Variants in ADGRL4 observed in about 807,000 individuals in gnomAD.
The protein encoded by ADGRL4 is EGF, latrophilin and seven transmembrane domain containing 1.
In ADGRL4, 90 loss-of-function variants were observed where a neutral mutation model predicts 74.8. The observed-to-expected ratio is 1.20, with a 90% CI of 1.02 to 1.43. The LOEUF is 1.43. Ranked by LOEUF, ADGRL4 falls within the 40% of genes most tolerant of loss-of-function variation. The pLI is 0.00. For synonymous variants in ADGRL4, 311 were observed against 279.2 expected (o/e 1.11, Z -1.14); for missense variants, 881 against 814.3 (o/e 1.08, Z -1.00).
At chr1:78,952,795 C>T (rs111816748) in intron 2 of ADGRL4, among the ~76,000 whole-genome samples, 4,816 of 152,130 alleles carry the variant, frequency 0.032, 95 homozygotes, top group South Asian at 0.052. Context: ...TCAATATCTG[C>T]ATTGGGAATG....
At chr1:78,948,623 A>C (rs540537591) in intron 2 of ADGRL4, among the ~76,000 whole-genome samples, 1 of 152,258 alleles carries the variant, frequency 6.6e-6, no homozygotes, top group South Asian at 2.1e-4. Flanking sequence ...CATGCATTTA[A>C]TTAATTTACC....
chr1:78,936,465 T>A, intron 6 of ADGRL4, 54 bp from the exon 7 acceptor site: 1 of 1,398,614 alleles, frequency 7.1e-7, no homozygotes, highest in East Asian at 2.5e-5. Flanking sequence ...TCAATATACA[T>A]CATAAATATA....
chr1:78,966,900 A>T (rs1570260529), intron 2 of ADGRL4, among the ~76,000 whole-genome samples: 2 of 124,102 alleles, frequency 1.6e-5, no homozygotes. Context: ...AAGACATTTT[A>T]CTAGGCTAGG....
intron 2 of ADGRL4, among the ~76,000 whole-genome samples, chr1:78,992,221 G>A (rs1242098577): frequency 6.6e-6 from 1 of 151,938 alleles, no homozygotes; most frequent in Non-Finnish European, 1.5e-5. Flanking sequence ...TAAGTACAAA[G>A]TTTGAACAGT....
At chr1:78,892,248 C>A (rs564788155) in intron 13 of ADGRL4, among the ~76,000 whole-genome samples, 1 of 152,102 alleles carries the variant, frequency 6.6e-6, no homozygotes, top group Non-Finnish European at 1.5e-5. Context: ...AAAAATATGT[C>A]AAAATAAATT....
chr1:78,932,587 G>GATTTTTCTA (rs1649264214), intron 7 of ADGRL4, among the ~76,000 whole-genome samples: 1 of 135,156 alleles, frequency 7.4e-6, no homozygotes, highest in Non-Finnish European at 1.5e-5. Flanking sequence ...GCAGAGTTGA[G>GATTTTTCTA]GGAGATAGAG....
intron 2 of ADGRL4, among the ~76,000 whole-genome samples, chr1:79,001,239 GAGGGAGGA>G (rs1398769203): frequency 4.4e-5 from 5 of 112,780 alleles, no homozygotes; most frequent in African/African-American, 1.6e-4. Flanking sequence ...GGGAGGGAGG[GAGGGAGGA>G]AGGAAGGTAT....
chr1:78,895,525 T>A (rs547825709), intron 12 of ADGRL4, among the ~76,000 whole-genome samples: 1 of 152,202 alleles, frequency 6.6e-6, no homozygotes, highest in Admixed American at 6.6e-5. Flanking sequence ...AGAATGAAGG[T>A]TTAGGAAGTA....
chr1:78,992,142 T>A (rs1650618648), intron 2 of ADGRL4, among the ~76,000 whole-genome samples: 1 of 152,052 alleles, frequency 6.6e-6, no homozygotes, highest in Non-Finnish European at 1.5e-5. Flanking sequence ...GATTCTAATC[T>A]TCCTAGAGAA....
intron 9 of ADGRL4, among the ~76,000 whole-genome samples, chr1:78,920,632 C>T (rs1346451758): frequency 1.3e-4 from 19 of 151,564 alleles, no homozygotes; most frequent in Admixed American, 1.3e-3. Context: ...TTTTTCTAGG[C>T]ATAGTATTAG....
intron 2 of ADGRL4, among the ~76,000 whole-genome samples, chr1:78,997,653 AG>A (rs1650745962): frequency 6.6e-6 from 1 of 152,186 alleles, no homozygotes; most frequent in African/African-American, 2.4e-5. Context: ...TCAACCTAAA[AG>A]TATGGCTTCT....
chr1:78,891,773 G>A (rs1039135348), intron 13 of ADGRL4, 81 bp from the exon 14 acceptor site: 3 of 1,300,486 alleles, frequency 2.3e-6, no homozygotes. Flanking sequence ...TTATGTGGGA[G>A]GTGAGTTTTC....
chr1:78,997,845 A>G (rs1284589647), intron 2 of ADGRL4, among the ~76,000 whole-genome samples: 2 of 152,190 alleles, frequency 1.3e-5, no homozygotes, highest in African/African-American at 4.8e-5. Flanking sequence ...GAGATTTCAG[A>G]GTTTTCTGTA....
intron 2 of ADGRL4, among the ~76,000 whole-genome samples, chr1:78,973,246 A>G (rs1422987396): frequency 6.6e-6 from 1 of 152,122 alleles, no homozygotes; most frequent in Non-Finnish European, 1.5e-5. Context: ...TCCATATAAC[A>G]GAGTAAATGT....
At chr1:78,962,493 T>G (rs1649975388) in intron 2 of ADGRL4, among the ~76,000 whole-genome samples, 1 of 152,086 alleles carries the variant, frequency 6.6e-6, no homozygotes, top group Non-Finnish European at 1.5e-5. Flanking sequence ...CCACACGATT[T>G]CCCCCTTCCT....
At chr1:78,938,484 A>C (rs758810726) in intron 4 of ADGRL4, among the ~76,000 whole-genome samples, 1 of 151,914 alleles carries the variant, frequency 6.6e-6, no homozygotes, top group Non-Finnish European at 1.5e-5. Context: ...TTAAAAGCCT[A>C]GACTTGACTT....
chr1:78,926,542 C>T (rs1050227747), intron 8 of ADGRL4, among the ~76,000 whole-genome samples: 2 of 151,968 alleles, frequency 1.3e-5, no homozygotes, highest in Non-Finnish European at 2.9e-5. Context: ...TCACTTATTA[C>T]ACAAGTGACA....
chr1:78,900,066 GT>G (rs759307095), intron 12 of ADGRL4, among the ~76,000 whole-genome samples: 1 of 152,144 alleles, frequency 6.6e-6, no homozygotes, highest in Non-Finnish European at 1.5e-5. Flanking sequence ...CAAAAATGAA[GT>G]GGAGGTAGAG....
chr1:79,001,972 T>A (rs1375892765), intron 2 of ADGRL4, among the ~76,000 whole-genome samples: 1 of 152,114 alleles, frequency 6.6e-6, no homozygotes, highest in African/African-American at 2.4e-5. Flanking sequence ...AATAATTGCA[T>A]TATGAATATA....
Sources: allele counts gnomAD v4.1 joint callset (sites outside exome capture counted in the v4.1 genomes callset), GRCh38; gene constraint gnomAD v4.1.1; transcripts MANE v1.5; gene names NCBI Gene and HGNC (gene_info 2026-07-23, HGNC 2026-07-21).